Variants in ADAM22 observed in about 807,000 individuals in gnomAD.
ADAM22 encodes the protein ADAM metallopeptidase domain 22, also known as disintegrin and metalloproteinase domain-containing protein 22.
ADAM22 carries 65 observed loss-of-function variants against 144.6 expected under a neutral mutation model. That is an observed-to-expected ratio of 0.45 (90% CI 0.37 to 0.55). The LOEUF (loss-of-function observed/expected upper bound fraction) is 0.55, where lower values mean the gene tolerates loss of function less well. Among genes scored for constraint, ADAM22 ranks in the 20% least tolerant of loss-of-function variants. The probability of loss-of-function intolerance (pLI) is 0.00; values close to 1 mark genes in which losing one functional copy is unlikely to be tolerated. For missense variants in ADAM22, 974 were observed against 1,184.9 expected (o/e 0.82, Z 2.61); for synonymous variants, 391 against 412.6 (o/e 0.95, Z 0.63).
intron 3 of ADAM22, among the ~76,000 whole-genome samples, chr7:88,062,356 G>A (rs1257008200): frequency 6.6e-6 from 1 of 152,130 alleles, no homozygotes; most frequent in Non-Finnish European, 1.5e-5. Flanking sequence ...TTTATATTGT[G>A]GAGACTGCTT....
At chr7:88,065,955 C>A (rs932078275) in intron 3 of ADAM22, among the ~76,000 whole-genome samples, 1 of 152,042 alleles carries the variant, frequency 6.6e-6, no homozygotes, top group East Asian at 1.9e-4. Flanking sequence ...CTTTTTAATT[C>A]CATAAAATGT....
At chr7:88,168,269 T>C in intron 25 of ADAM22, 42 bp downstream of exon 25, 1 of 1,552,760 alleles carries the variant, frequency 6.4e-7, no homozygotes, top group Middle Eastern at 1.7e-4. Flanking sequence ...GAAATATACT[T>C]CTAAACATTT....
intron 4 of ADAM22, among the ~76,000 whole-genome samples, chr7:88,085,050 C>T (rs760790276): frequency 5.9e-5 from 9 of 152,290 alleles, no homozygotes; most frequent in Non-Finnish European, 1.2e-4. Flanking sequence ...ACTGCGTTAC[C>T]TCTTTAGAGA....
At chr7:88,086,450 AG>A (rs1818467864) in intron 4 of ADAM22, among the ~76,000 whole-genome samples, 2 of 152,340 alleles carry the variant, frequency 1.3e-5, no homozygotes, top group South Asian at 4.2e-4. Flanking sequence ...CTGATATAAA[AG>A]TTATATTAAA....
chr7:88,033,863 A>G (rs1043099483), intron 3 of ADAM22, among the ~76,000 whole-genome samples: 2 of 151,648 alleles, frequency 1.3e-5, no homozygotes, highest in African/African-American at 4.8e-5. Flanking sequence ...GGCTACCACT[A>G]ATGTTTACTT....
At chr7:87,990,187 C>A (rs958181913) in intron 3 of ADAM22, among the ~76,000 whole-genome samples, 1 of 151,952 alleles carries the variant, frequency 6.6e-6, no homozygotes, top group African/African-American at 2.4e-5. Context: ...ACAACGTGGT[C>A]TGAGTAGAAA....
At chr7:88,180,659 T>C (rs1299196942) in intron 27 of ADAM22, among the ~76,000 whole-genome samples, 1 of 152,160 alleles carries the variant, frequency 6.6e-6, no homozygotes, top group Non-Finnish European at 1.5e-5. Context: ...AAAGTTCCTA[T>C]AAAAGAGTTT....
intron 4 of ADAM22, among the ~76,000 whole-genome samples, chr7:88,080,596 GT>G (rs1816242252): frequency 6.6e-6 from 1 of 151,914 alleles, no homozygotes; most frequent in East Asian, 1.9e-4. Flanking sequence ...TTGATAGACC[GT>G]TAGCAAGACT....
chr7:88,177,712 C>A (rs1302927621), intron 26 of ADAM22, among the ~76,000 whole-genome samples: 1 of 151,916 alleles, frequency 6.6e-6, no homozygotes, highest in Non-Finnish European at 1.5e-5. Context: ...GAATGAATGA[C>A]CAAGTATTTT....
chr7:87,998,013 C>T (rs1480528328), intron 3 of ADAM22, among the ~76,000 whole-genome samples: 1 of 152,116 alleles, frequency 6.6e-6, no homozygotes, highest in Non-Finnish European at 1.5e-5. Flanking sequence ...GCCTGAGAGC[C>T]CCTGGCAAAC....
chr7:88,142,216 T>C lies in ADAM22; in HGVS notation c.1221-810T>C, dbSNP rs572951418. Among the ~76,000 whole-genome samples the C allele has an allele frequency of 3.9e-5, 6 of 152,314 alleles. No homozygotes were observed. In the East Asian group the frequency reaches 1.2e-3, roughly 29 times the overall value. ...AACCACTATACAACCAGTAAAATTA[T>C]CTAATTCTTAGCCATCATTCAGGAT... On this transcript the variant is annotated intron_variant, in intron 14 of 31. Coordinates refer to ENST00000413139, the MANE Select transcript of ADAM22 (RefSeq NM_001324418.2).
At chr7:88,105,874 T>C (rs1169641772) in intron 4 of ADAM22, among the ~76,000 whole-genome samples, 2 of 152,176 alleles carry the variant, frequency 1.3e-5, no homozygotes, top group African/African-American at 4.8e-5. Context: ...ACAGTAATTA[T>C]AATAGCAGCA....
rs113122150 is a variant in ADAM22 at position 88,021,872 on chromosome 7, ATT to A, written c.323+43471_323+43472del. Among the ~76,000 whole-genome samples, 429 of 144,050 alleles carry A rather than the reference ATT, an allele frequency of 3.0e-3. 1 individual carries two copies. The highest frequency in any genetic ancestry group is 0.01 in the African/African-American group (405 of 39,718). The allele number at this position is 144,050 out of a possible 152,430, so 94.5% of individuals were successfully genotyped here. A position where few individuals can be genotyped will look rare whatever the true frequency, so the allele number is the denominator to read the frequency against. ...TGGAATTTCTTCCTTCTCTCATTAC[ATT>A]TTTTTTTTTTCTTTTTGAGACAGGG... On this transcript the variant is annotated intron_variant, in intron 3 of 31. Coordinates refer to ENST00000413139, the MANE Select transcript of ADAM22 (RefSeq NM_001324418.2).
intron 3 of ADAM22, among the ~76,000 whole-genome samples, chr7:87,996,557 T>C (rs1380757283): frequency 2.0e-5 from 3 of 152,130 alleles, no homozygotes; most frequent in Admixed American, 6.6e-5. Flanking sequence ...ACATCTGAAT[T>C]TGAGGGGGAG....
At position 88,196,648 on chromosome 7, in the gene ADAM22, T is replaced by C. The variant is rs571861487; in HGVS notation, c.*157T>C. On this transcript the variant is annotated 3_prime_UTR_variant, in exon 32 of 32. Transcript: ENST00000413139. ...GAGGAAGCGGAGTTTCACATCTGGT[T>C]ACCATTTTCTTTTTGTCATTGGCTT... 633 of 739,202 alleles carry C rather than the reference T, an allele frequency of 8.6e-4. 9 individuals carry two copies. In the South Asian group the frequency reaches 9.8e-3, roughly 11 times the overall value. The allele number at this position is 739,202 out of a possible 1,614,324, so 45.8% of individuals were successfully genotyped here. A position where few individuals can be genotyped will look rare whatever the true frequency, so the allele number is the denominator to read the frequency against.
At chr7:88,183,562 A>G (rs1217159807) in intron 29 of ADAM22, among the ~76,000 whole-genome samples, 1 of 152,074 alleles carries the variant, frequency 6.6e-6, no homozygotes, top group Non-Finnish European at 1.5e-5. Flanking sequence ...ATTTCCACTC[A>G]CATTGTATGA....
intron 3 of ADAM22, among the ~76,000 whole-genome samples, chr7:88,038,517 C>T (rs1015351594): frequency 6.7e-6 from 1 of 149,378 alleles, no homozygotes; most frequent in East Asian, 2.0e-4. Context: ...TGCAGTGGTG[C>T]GATCTCGACT....
At chr7:88,073,756 G>A (rs1813450591) in intron 3 of ADAM22, among the ~76,000 whole-genome samples, 1 of 152,136 alleles carries the variant, frequency 6.6e-6, no homozygotes, top group African/African-American at 2.4e-5. Context: ...CCCCACTGAT[G>A]GTGTGGTTAC....
chr7:88,085,025 A>G (rs775877894), intron 4 of ADAM22, among the ~76,000 whole-genome samples: 6 of 152,192 alleles, frequency 3.9e-5, no homozygotes, highest in Non-Finnish European at 8.8e-5. Context: ...GACCCAACCT[A>G]ATAACCCTGT....
Sources: gnomAD v4.1 joint callset for allele counts (sites outside exome capture counted in the v4.1 genomes callset) on GRCh38, gnomAD v4.1.1 for gene constraint, MANE v1.5 for transcripts, NCBI Gene and HGNC (gene_info 2026-07-23, HGNC 2026-07-21) for gene names.